Variants in NCKAP5 observed in about 807,000 individuals in gnomAD.
NCKAP5 encodes NCK associated protein 5.
NCKAP5 carries 92 observed loss-of-function variants against 167.0 expected under a neutral mutation model. The ratio of observed to expected loss-of-function variants is 0.55; its 90% CI spans 0.47 to 0.66. The LOEUF (loss-of-function observed/expected upper bound fraction) is 0.66, where lower values mean the gene tolerates loss of function less well. NCKAP5 is among the 30% of genes least tolerant of loss of function. The pLI is 0.00. For synonymous variants in NCKAP5, 891 were observed against 877.4 expected, an observed-to-expected ratio of 1.02 and a Z score of -0.27; for missense variants, 2,378 against 2,315.0, an observed-to-expected ratio of 1.03 and a Z score of -0.56.
intron 8 of NCKAP5, among the ~76,000 whole-genome samples, chr2:132,908,901 C>T (rs974965084): frequency 2.0e-5 from 3 of 152,174 alleles, no homozygotes; most frequent in Non-Finnish European, 2.9e-5. Flanking sequence ...ATTACAATTA[C>T]GAATCTTTCC....
chr2:133,044,913 A>G (rs1237849498), intron 6 of NCKAP5, among the ~76,000 whole-genome samples: 2 of 151,884 alleles, frequency 1.3e-5, no homozygotes, highest in East Asian at 3.9e-4. Context: ...AAGTTAGCTG[A>G]GTGTGTTGGT....
the NCKAP5 span, among the ~76,000 whole-genome samples, chr2:133,577,211 G>A: frequency 6.6e-6 from 1 of 152,220 alleles, no homozygotes; most frequent in South Asian, 2.1e-4. Flanking sequence ...AGGGACTGCT[G>A]AAGAATGCAC....
intron 11 of NCKAP5, among the ~76,000 whole-genome samples, chr2:132,847,412 C>A (rs1219341266): frequency 2.0e-5 from 3 of 152,096 alleles, no homozygotes; most frequent in African/African-American, 7.2e-5. Flanking sequence ...AATTACTTGG[C>A]AAGGTCATGA....
At chr2:133,563,949 C>T (rs1688363743) in intron 1 of NCKAP5, among the ~76,000 whole-genome samples, 1 of 152,134 alleles carries the variant, frequency 6.6e-6, no homozygotes, top group South Asian at 2.1e-4. Flanking sequence ...GCCCGGCTAA[C>T]ATGGTGAAAC....
At chr2:133,057,832 G>A (rs140103493) in intron 6 of NCKAP5, among the ~76,000 whole-genome samples, 2 of 152,334 alleles carry the variant, frequency 1.3e-5, no homozygotes, top group Non-Finnish European at 2.9e-5. Flanking sequence ...TGATATAAAT[G>A]CTGATAGAAG....
At chr2:133,359,603 A>G (rs1379603901) in intron 3 of NCKAP5, among the ~76,000 whole-genome samples, 2 of 152,222 alleles carry the variant, frequency 1.3e-5, no homozygotes, top group East Asian at 3.8e-4. Flanking sequence ...GAAAAAAGTT[A>G]TTGAATTCAC....
intron 12 of NCKAP5, among the ~76,000 whole-genome samples, chr2:132,791,127 G>C (rs967647914): frequency 7.9e-5 from 12 of 152,206 alleles, no homozygotes; most frequent in African/African-American, 2.9e-4. Context: ...CTTTATAGAG[G>C]GTGCCGCTGT....
At chr2:133,592,169 C>A in the NCKAP5 span, among the ~76,000 whole-genome samples, 49 of 152,278 alleles carry the variant, frequency 3.2e-4, no homozygotes, top group East Asian at 8.7e-3. Context: ...CCAAACAATG[C>A]ACCCTAATTT....
rs143387494 is a variant in NCKAP5 at position 133,446,181 on chromosome 2, C to T, written c.69+71277G>A. Among the ~76,000 whole-genome samples, 10 of 152,064 alleles carry T rather than the reference C, an allele frequency of 6.6e-5. No individual in the cohort carries two copies. In the East Asian group the frequency reaches 7.7e-4, roughly 12 times the overall value. On this transcript the variant is annotated intron_variant, in intron 3 of 19. Transcript: ENST00000409261. The stretch of plus-strand genomic sequence containing the variant: ...GGAAGAAAGGCAAAGATATGAGAAA[C>T]GCAATAATTAGAAAACTGAAAAGCC...
At chr2:133,347,232 A>C (rs998388018) in intron 3 of NCKAP5, among the ~76,000 whole-genome samples, 1 of 152,122 alleles carries the variant, frequency 6.6e-6, no homozygotes, top group Non-Finnish European at 1.5e-5. Context: ...AAAACTTTCA[A>C]AATTGTGTGG....
At chr2:133,608,248 AT>A in the NCKAP5 span, among the ~76,000 whole-genome samples, 1 of 152,284 alleles carries the variant, frequency 6.6e-6, no homozygotes, top group Non-Finnish European at 1.5e-5. Flanking sequence ...TGATGATCAA[AT>A]TGCTCTTCTC....
chr2:133,102,454 C>A (rs902485786), intron 6 of NCKAP5, among the ~76,000 whole-genome samples: 1 of 152,140 alleles, frequency 6.6e-6, no homozygotes, highest in African/African-American at 2.4e-5. Flanking sequence ...GCCTTTCTTT[C>A]TTTCAATACA....
chr2:133,115,642 T>C (rs2082047675), intron 6 of NCKAP5, among the ~76,000 whole-genome samples: 1 of 151,642 alleles, frequency 6.6e-6, no homozygotes, highest in Non-Finnish European at 1.5e-5. Context: ...TATTTAAAGT[T>C]AACAACTTCT....
intron 6 of NCKAP5, chr2:133,122,151 G>A (rs566289744): frequency 6.6e-6 from 1 of 152,148 alleles, no homozygotes; most frequent in Admixed American, 6.5e-5. Flanking sequence ...AATTGTGGTG[G>A]TAGTTACATG....
the NCKAP5 span, among the ~76,000 whole-genome samples, chr2:133,602,100 C>T: frequency 1.3e-5 from 2 of 152,140 alleles, no homozygotes; most frequent in East Asian, 3.8e-4. Context: ...TGTAGAATGA[C>T]CTAGGCAACA....
intron 3 of NCKAP5, among the ~76,000 whole-genome samples, chr2:133,327,077 C>A (rs1682504816): frequency 2.6e-5 from 4 of 152,186 alleles, no homozygotes; most frequent in Non-Finnish European, 5.9e-5. Context: ...GGCACAACTT[C>A]AAACCCTTTG....
At chr2:133,506,491 C>A (rs762199058) in intron 3 of NCKAP5, among the ~76,000 whole-genome samples, 17 of 152,130 alleles carry the variant, frequency 1.1e-4, no homozygotes, top group Non-Finnish European at 2.5e-4. Context: ...TTGGGTTCAG[C>A]CAGTGGAGGC....
At chr2:133,531,889 T>C (rs558246892) in intron 2 of NCKAP5, among the ~76,000 whole-genome samples, 1 of 152,356 alleles carries the variant, frequency 6.6e-6, no homozygotes, top group South Asian at 2.1e-4. Context: ...TAATCTTTCC[T>C]CTCTTTTAAG....
Position 132,781,945 on chromosome 2 carries a change from C to G in NCKAP5, c.4866G>C (p.Leu1622Phe), listed in dbSNP as rs1253811984. ...STKDTFMTEL[L>F]NRVDKKAAPQ... is the part of the protein sequence containing the mutation. Reference sequence around the variant, plus strand: ...CTGCTTTTCCAGTGAGTTACCTGTTCAAGAGTTCCGTCATGAAGGTGTCTT... The same window carrying G: ...CTGCTTTTCCAGTGAGTTACCTGTTGAAGAGTTCCGTCATGAAGGTGTCTT... The change falls in exon 14 of 20, where the codon TTG becomes TTC. Residue 1622 changes from leucine (L) to phenylalanine (F), a missense_variant. Physicochemically the swap from Leu to Phe is conservative, Grantham distance 22 (BLOSUM62 0). This residue lies in a region of NCKAP5 where 1,325 missense variants were observed against 1,274.5 expected (regional missense o/e 1.04). Coordinates refer to ENST00000409261, the MANE Select transcript of NCKAP5 (RefSeq NM_207363.3). The G allele has an allele frequency of 6.8e-6, 11 of 1,610,402 alleles. No homozygotes were observed. Among genetic ancestry groups the G allele is most frequent in the Non-Finnish European group, 9.3e-6 (11 of 1,177,724 alleles).
Sources: gnomAD v4.1 joint callset for allele counts (sites outside exome capture counted in the v4.1 genomes callset) on GRCh38, gnomAD v4.1.1 for gene constraint, gnomAD v4.1.1 regional missense constraint, MANE v1.5 for transcripts, NCBI Gene and HGNC (gene_info 2026-07-23, HGNC 2026-07-21) for gene names.